Variants in KDM4B observed in about 807,000 individuals in gnomAD.
KDM4B encodes lysine demethylase 4B, also known as lysine-specific demethylase 4B.
KDM4B carries 32 observed loss-of-function variants against 125.2 expected under a neutral mutation model. The observed-to-expected ratio is 0.26, with a 90% CI of 0.19 to 0.34. The LOEUF (loss-of-function observed/expected upper bound fraction) is 0.34, where lower values mean the gene tolerates loss of function less well. Among genes scored for constraint, KDM4B ranks in the 10% least tolerant of loss-of-function variants. The pLI is 1.00. For missense variants in KDM4B, 1,190 were observed against 1,577.7 expected (o/e 0.75, Z 4.16); for synonymous variants, 721 against 677.9 (o/e 1.06, Z -0.99).
chr19:5,069,310 TA>T (rs1160009423), intron 6 of KDM4B, among the ~76,000 whole-genome samples: 3 of 152,152 alleles, frequency 2.0e-5, no homozygotes, highest in Admixed American at 6.5e-5. Flanking sequence ...TTTTTATTTT[TA>T]TTTTTTTTAA....
At chr19:5,094,663 T>A (rs939379024) in intron 9 of KDM4B, among the ~76,000 whole-genome samples, 4 of 151,906 alleles carry the variant, frequency 2.6e-5, no homozygotes, top group African/African-American at 9.7e-5. Flanking sequence ...GACTTGGGCA[T>A]GTAGGTGTGC....
At chr19:5,038,002 A>G (rs564292870) in intron 3 of KDM4B, among the ~76,000 whole-genome samples, 7 of 152,402 alleles carry the variant, frequency 4.6e-5, no homozygotes, top group African/African-American at 1.7e-4. Context: ...CCTTGGGGAC[A>G]GTAAATGGAT....
chr19:5,001,810 G>A (rs1241426788), intron 1 of KDM4B, among the ~76,000 whole-genome samples: 1 of 152,126 alleles, frequency 6.6e-6, no homozygotes, highest in Non-Finnish European at 1.5e-5. Context: ...GATTGTTCCT[G>A]TAGTTATGAG....
intron 1 of KDM4B, among the ~76,000 whole-genome samples, chr19:5,008,393 A>G (rs1448121832): frequency 1.3e-5 from 2 of 152,244 alleles, no homozygotes; most frequent in East Asian, 1.9e-4. Context: ...TGCCAGTACC[A>G]TGCTGTCTTG....
intron 9 of KDM4B, among the ~76,000 whole-genome samples, chr19:5,095,024 G>A (rs1053185145): frequency 1.3e-5 from 2 of 152,154 alleles, no homozygotes; most frequent in African/African-American, 2.4e-5. Flanking sequence ...GGGATGGGAC[G>A]TGTTGAGCCA....
chr19:5,041,832 T>G (rs1599482109), intron 5 of KDM4B, among the ~76,000 whole-genome samples: 1 of 152,058 alleles, frequency 6.6e-6, no homozygotes, highest in Admixed American at 6.5e-5. Context: ...GCGTGGCGGG[T>G]GTGTGTGGAA....
chr19:4,994,020 G>GTGTTTTTTTT (rs2035113633), intron 1 of KDM4B, among the ~76,000 whole-genome samples: 1 of 66,708 alleles, frequency 1.5e-5, no homozygotes, highest in Admixed American at 1.7e-4. Context: ...TTTTCAGCCT[G>GTGTTTTTTTT]TTTTTTTTTT....
intron 21 of KDM4B, 54 bp downstream of exon 21, chr19:5,144,956 G>A: frequency 6.2e-7 from 1 of 1,608,694 alleles, no homozygotes; most frequent in East Asian, 2.2e-5. Context: ...CTTCTTGTAG[G>A]TGCGGGGACA....
At chr19:5,087,743 G>A (rs543516573) in intron 9 of KDM4B, among the ~76,000 whole-genome samples, 11 of 152,292 alleles carry the variant, frequency 7.2e-5, no homozygotes, top group Non-Finnish European at 1.0e-4. Flanking sequence ...GCTCTGCAGC[G>A]GTCTGCAGCC....
At chr19:4,976,013 G>A (rs990940008) in intron 1 of KDM4B, among the ~76,000 whole-genome samples, 1 of 151,084 alleles carries the variant, frequency 6.6e-6, no homozygotes, top group Non-Finnish European at 1.5e-5. Flanking sequence ...ACTTTGAGAG[G>A]CCGAGGCGGG....
chr19:4,995,056 T>C (rs907794940), intron 1 of KDM4B, among the ~76,000 whole-genome samples: 6 of 152,200 alleles, frequency 3.9e-5, no homozygotes, highest in Non-Finnish European at 8.8e-5. Flanking sequence ...GAATGGTGCC[T>C]CTTCTTTTGC....
intron 1 of KDM4B, among the ~76,000 whole-genome samples, chr19:4,970,658 C>A (rs535559507): frequency 6.8e-6 from 1 of 146,754 alleles, no homozygotes; most frequent in African/African-American, 2.5e-5. Context: ...TAATGACTCC[C>A]CTAATTCTCC....
At chr19:4,985,060 C>T (rs1183460406) in intron 1 of KDM4B, among the ~76,000 whole-genome samples, 1 of 152,050 alleles carries the variant, frequency 6.6e-6, no homozygotes, top group African/African-American at 2.4e-5. Flanking sequence ...CGGTGGCTCC[C>T]GCCTGTAATC....
At chr19:5,120,645 A>G (rs895646572) in intron 11 of KDM4B, among the ~76,000 whole-genome samples, 6 of 152,238 alleles carry the variant, frequency 3.9e-5, no homozygotes, top group Non-Finnish European at 8.8e-5. Context: ...AAAGGTTCCT[A>G]TTCCAGGGTT....
chr19:5,091,815 C>T (rs564001513), intron 9 of KDM4B, among the ~76,000 whole-genome samples: 45 of 152,274 alleles, frequency 3.0e-4, no homozygotes, highest in African/African-American at 1.0e-3. Flanking sequence ...TCCTCTGACC[C>T]GCTGGAGCCC....
intron 9 of KDM4B, among the ~76,000 whole-genome samples, chr19:5,098,858 C>T (rs1353169594): frequency 6.6e-6 from 1 of 152,170 alleles, no homozygotes; most frequent in Non-Finnish European, 1.5e-5. Context: ...ACTTCCCAGC[C>T]TCCAGAACCA....
At chr19:4,996,163 T>C (rs2035193986) in intron 1 of KDM4B, among the ~76,000 whole-genome samples, 1 of 152,082 alleles carries the variant, frequency 6.6e-6, no homozygotes, top group African/African-American at 2.4e-5. Context: ...CTAATTTTTG[T>C]ATTTTTGGTA....
intron 2 of KDM4B, among the ~76,000 whole-genome samples, chr19:5,027,566 C>T (rs868161352): frequency 5.1e-5 from 7 of 137,430 alleles, no homozygotes; most frequent in African/African-American, 8.5e-5. Context: ...TTTTTTGAGA[C>T]GGAGTTTCTC....
rs116867121 is a variant in KDM4B, at chr19:4,976,677, G to A, written c.-109+7447G>A. 2.5e-4 allele frequency among the ~76,000 whole-genome samples: 38 copies of A among 152,364 alleles called. No individual in the cohort carries two copies. In the East Asian group the frequency reaches 3.3e-3, roughly 13 times the overall value. ...AGATGGTGGTTTCTGCTGTCCCTGA[G>A]CACAGAAAGCCTCATGAGGGAGGTG... is the stretch of plus-strand genomic sequence containing the variant. On this transcript the variant is annotated intron_variant, in intron 1 of 22. Coordinates refer to ENST00000159111, the MANE Select transcript of KDM4B (RefSeq NM_015015.3).
Sources: gnomAD v4.1 joint callset for allele counts (sites outside exome capture counted in the v4.1 genomes callset) on GRCh38, gnomAD v4.1.1 for gene constraint, MANE v1.5 for transcripts, NCBI Gene and HGNC (gene_info 2026-07-23, HGNC 2026-07-21) for gene names.